EML5: variants seen among roughly 807,000 people sequenced by gnomAD.
EML5 encodes EMAP like 5, also known as echinoderm microtubule-associated protein-like 5.
EML5 carries 120 observed loss-of-function variants against 250.0 expected under a neutral mutation model. The ratio of observed to expected loss-of-function variants is 0.48; its 90% CI spans 0.41 to 0.56. The LOEUF (loss-of-function observed/expected upper bound fraction) is 0.56. Among genes scored for constraint, EML5 ranks in the 20% least tolerant of loss-of-function variants. The pLI is 0.00. For missense variants in EML5, 2,006 were observed against 2,437.6 expected, an observed-to-expected ratio of 0.82 and a Z score of 3.73; for synonymous variants, 771 against 806.5, an observed-to-expected ratio of 0.96 and a Z score of 0.75.
rs1244760754 is a variant in EML5, at chr14:88,615,633, A to C, written c.*185T>G. 1.7e-6 allele frequency: 1 copy of C among 583,232 alleles called. No individual in the cohort carries two copies. The highest frequency in any genetic ancestry group is 3.0e-6 in the Non-Finnish European group (1 of 334,678). The allele number at this position is 583,232 out of a possible 1,614,324, so 36.1% of individuals were successfully genotyped here. On this transcript the variant is annotated 3_prime_UTR_variant, in exon 44 of 44. Transcript: ENST00000554922. ...TTATCTGGCAGTGTATGGATTACGG[A>C]TTATACCCAGTGCATATAGCAAATA...
intron 39 of EML5, chr14:88,619,243 T>C (rs2140280694): frequency 6.5e-6 from 1 of 153,904 alleles, no homozygotes; most frequent in Non-Finnish European, 1.4e-5. Context: ...TGCACGCCTG[T>C]AATCCCATCT....
intron 8 of EML5, among the ~76,000 whole-genome samples, chr14:88,725,378 C>T (rs189285925): frequency 1.3e-5 from 2 of 151,972 alleles, no homozygotes; most frequent in African/African-American, 2.4e-5. Flanking sequence ...GGAGTCAGCA[C>T]GTGTAGAGGC....
intron 21 of EML5, 150 bp from the exon 22 acceptor site, chr14:88,665,639 C>A: frequency 9.4e-6 from 9 of 953,090 alleles, no homozygotes; most frequent in Non-Finnish European, 1.1e-5. Context: ...CCAGCCCGGG[C>A]AACATAGCAA....
rs1405918263 is a variant in EML5 at position 88,624,977 on chromosome 14, C to T, written c.4891G>A (p.Glu1631Lys). 1.9e-6 allele frequency: 3 copies of T among 1,613,376 alleles called. No homozygotes were observed. Among genetic ancestry groups the T allele is most frequent in the East Asian group, 2.2e-5 (1 of 44,876 alleles). ...RDGLIVTGGK[E>K]RPSKEGGAVK... ...AAAAGAAAGAGGACTCACGGCCTTT[C>T]CTTTCCCCCAGTCACGATAAGTCCA... is the stretch of plus-strand genomic sequence containing the variant. Residue 1631 changes from glutamate to lysine, a missense_variant, in exon 36 of 44, where the codon GAA becomes AAA. Physicochemically the swap from Glu to Lys is moderately conservative, Grantham distance 56. This residue lies in a region of EML5 where 405 missense variants were observed against 523.3 expected (regional missense o/e 0.77). Coordinates refer to ENST00000554922, the MANE Select transcript of EML5 (RefSeq NM_183387.3).
At chr14:88,749,048 G>A (rs2094051536) in intron 2 of EML5, among the ~76,000 whole-genome samples, 1 of 150,770 alleles carries the variant, frequency 6.6e-6, no homozygotes, top group South Asian at 2.1e-4. Context: ...CTAAATTGAT[G>A]AAACCATAAA....
At chr14:88,682,279 C>A (rs967850330) in intron 20 of EML5, among the ~76,000 whole-genome samples, 3 of 152,010 alleles carry the variant, frequency 2.0e-5, no homozygotes, top group African/African-American at 4.8e-5. Flanking sequence ...CTAAAACTTT[C>A]TCTGGGTGGA....
chr14:88,746,374 T>C, intron 2 of EML5, 91 bp from the exon 3 acceptor site: 3 of 1,031,688 alleles, frequency 2.9e-6, no homozygotes, highest in Non-Finnish European at 4.4e-6. Context: ...ATTATACTCA[T>C]GGGTTTTTAT....
At chr14:88,789,469 C>T (rs1595897029) in intron 1 of EML5, among the ~76,000 whole-genome samples, 1 of 152,090 alleles carries the variant, frequency 6.6e-6, no homozygotes, top group East Asian at 1.9e-4. Context: ...GATGAAATGT[C>T]ATGTGGCACC....
At chr14:88,787,929 T>C (rs1304594123) in intron 1 of EML5, among the ~76,000 whole-genome samples, 1 of 152,200 alleles carries the variant, frequency 6.6e-6, no homozygotes, top group African/African-American at 2.4e-5. Context: ...GTGGGGGCAA[T>C]GTGTTTCCCA....
At chr14:88,661,883 A>T in intron 24 of EML5, 53 bp from the exon 25 acceptor site, 1 of 1,476,012 alleles carries the variant, frequency 6.8e-7, no homozygotes, top group Non-Finnish European at 9.2e-7. Context: ...CTAAAGTATT[A>T]ACAACCAAAA....
At chr14:88,622,960 G>T in intron 36 of EML5, 1 of 348,258 alleles carries the variant, frequency 2.9e-6, no homozygotes, top group South Asian at 7.3e-5. Context: ...TCTGACATGA[G>T]CATAATTTTA....
intron 27 of EML5, among the ~76,000 whole-genome samples, chr14:88,653,882 T>C (rs909718084): frequency 2.6e-5 from 4 of 152,198 alleles, no homozygotes; most frequent in Non-Finnish European, 2.9e-5. Flanking sequence ...CAGCTCCTCT[T>C]TGTACTTCTG....
chr14:88,682,787 A>G (rs1703773617), intron 20 of EML5, among the ~76,000 whole-genome samples: 5 of 152,142 alleles, frequency 3.3e-5, no homozygotes, highest in Admixed American at 3.3e-4. Flanking sequence ...TCTACTTTGG[A>G]TGTGGTGCCT....
intron 1 of EML5, among the ~76,000 whole-genome samples, chr14:88,764,834 T>C (rs1442801693): frequency 1.3e-5 from 2 of 152,224 alleles, no homozygotes; most frequent in East Asian, 3.8e-4. Context: ...TCTGTGTTAC[T>C]GATTTTTATT....
intron 1 of EML5, among the ~76,000 whole-genome samples, chr14:88,763,281 G>A (rs1566769992): frequency 6.6e-6 from 1 of 151,778 alleles, no homozygotes; most frequent in Admixed American, 6.6e-5. Flanking sequence ...GAAGAAAAGA[G>A]AGAAGAATCA....
chr14:88,744,675 A>T (rs2093978975), intron 3 of EML5, among the ~76,000 whole-genome samples: 1 of 152,112 alleles, frequency 6.6e-6, no homozygotes, highest in Non-Finnish European at 1.5e-5. Context: ...CAAACAAGCA[A>T]AAACCCAGGT....
intron 1 of EML5, among the ~76,000 whole-genome samples, chr14:88,765,145 C>T (rs8017313): frequency 0.64 from 97,118 of 151,928 alleles, 33,039 homozygotes; most frequent in East Asian, 0.94. Flanking sequence ...AAATTTAGCA[C>T]CTTAAAGCAA....
rs558099041 is a variant in EML5 at position 88,771,022 on chromosome 14, CATAACT to C, written c.198-16357_198-16352del. 3.1e-3 allele frequency among the ~76,000 whole-genome samples: 470 copies of C among 152,240 alleles called. 3 individuals carry two copies. Among genetic ancestry groups the C allele is most frequent in the Non-Finnish European group, 5.4e-3 (366 of 68,002 alleles). ...TTAAGTATTTAATCTCTAAATTTAT[CATAACT>C]ATAAGGAAATAACATGTTAAACAAA... On this transcript the variant is annotated intron_variant, in intron 1 of 43. Transcript: ENST00000554922.
intron 8 of EML5, among the ~76,000 whole-genome samples, chr14:88,716,112 T>G (rs931477882): frequency 6.6e-6 from 1 of 152,072 alleles, no homozygotes; most frequent in Non-Finnish European, 1.5e-5. Context: ...TCCAGAAAAA[T>G]TTTGCTTTTA....
Sources: gnomAD v4.1 joint callset for allele counts (sites outside exome capture counted in the v4.1 genomes callset) on GRCh38, gnomAD v4.1.1 for gene constraint, gnomAD v4.1.1 regional missense constraint, MANE v1.5 for transcripts, NCBI Gene and HGNC (gene_info 2026-07-23, HGNC 2026-07-21) for gene names.